ANKH: variants seen among roughly 807,000 people sequenced by gnomAD.
The protein encoded by ANKH is mineralization regulator ANKH.
In ANKH, 15 loss-of-function variants were observed where a neutral mutation model predicts 49.0. The ratio of observed to expected loss-of-function variants is 0.31; its 90% CI spans 0.20 to 0.47. ANKH has a LOEUF of 0.47. Ranked by LOEUF, ANKH falls within the 20% of genes least tolerant of loss-of-function variation. The probability of loss-of-function intolerance (pLI) is 1.00; values close to 1 mark genes in which losing one functional copy is unlikely to be tolerated. For missense variants in ANKH, 429 were observed against 652.0 expected (o/e 0.66, Z 3.72); for synonymous variants, 273 against 260.0 (o/e 1.05, Z -0.48).
chr5:14,791,179 T>A (rs1363050275), intron 1 of ANKH, among the ~76,000 whole-genome samples: 1 of 152,104 alleles, frequency 6.6e-6, no homozygotes, highest in Non-Finnish European at 1.5e-5. Flanking sequence ...GATATCTGAG[T>A]TTCCCCCTAC....
chr5:14,796,267 A>C (rs761854544), intron 1 of ANKH, among the ~76,000 whole-genome samples: 1 of 151,982 alleles, frequency 6.6e-6, no homozygotes, highest in Non-Finnish European at 1.5e-5. Context: ...AGGTCACCCA[A>C]AATGGAGATG....
intron 3 of ANKH, among the ~76,000 whole-genome samples, chr5:14,756,554 A>G (rs921783528): frequency 1.3e-5 from 2 of 152,204 alleles, no homozygotes; most frequent in African/African-American, 4.8e-5. Flanking sequence ...CTTACCTTCA[A>G]GGTTGATTTG....
At chr5:14,811,055 AGT>A (rs1740868279) in intron 1 of ANKH, among the ~76,000 whole-genome samples, 1 of 152,172 alleles carries the variant, frequency 6.6e-6, no homozygotes, top group African/African-American at 2.4e-5. Flanking sequence ...TGGTCCTGCA[AGT>A]GCAGATCATG....
intron 1 of ANKH, among the ~76,000 whole-genome samples, chr5:14,815,217 G>C (rs1355396457): frequency 6.6e-6 from 1 of 152,088 alleles, no homozygotes; most frequent in African/African-American, 2.4e-5. Context: ...AGAACCTCTG[G>C]GCTGATGTCT....
intron 1 of ANKH, among the ~76,000 whole-genome samples, chr5:14,843,349 C>G (rs1191128043): frequency 6.6e-6 from 1 of 151,604 alleles, no homozygotes; most frequent in Non-Finnish European, 1.5e-5. Flanking sequence ...CTAATTTTTG[C>G]ATTTTTAGTA....
intron 8 of ANKH, among the ~76,000 whole-genome samples, chr5:14,738,053 C>T (rs1203514303): frequency 6.6e-6 from 1 of 152,196 alleles, no homozygotes; most frequent in Non-Finnish European, 1.5e-5. Flanking sequence ...GCCCCTCTTC[C>T]ACACTGGGCA....
At chr5:14,718,825 C>A (rs1399871564) in intron 8 of ANKH, among the ~76,000 whole-genome samples, 1 of 79,254 alleles carries the variant, frequency 1.3e-5, no homozygotes, top group East Asian at 3.5e-4. Flanking sequence ...ATCCTCCCAA[C>A]ACCACCCCCC....
At position 14,709,916 on chromosome 5, in the gene ANKH, A is replaced by G. The variant is rs1356978744; in HGVS notation, c.*1281T>C. 1 of 152,508 alleles carries G rather than the reference A, an allele frequency of 6.6e-6. No individual in the cohort carries two copies. The highest frequency in any genetic ancestry group is 2.1e-4 in the South Asian group (1 of 4,828). 9.4% of individuals were successfully genotyped at this position (152,508 alleles called of 1,614,324 possible). A position where few individuals can be genotyped will look rare whatever the true frequency, so the allele number is the denominator to read the frequency against. ...TACAGCATATATTTATATCTTTAAA[A>G]TATTTTTTTTTTTAGGTTCTTTCAG... is the stretch of plus-strand genomic sequence containing the variant. On this transcript the variant is annotated 3_prime_UTR_variant, in exon 12 of 12. Transcript: ENST00000284268.
chr5:14,810,841 G>C (rs549295421), intron 1 of ANKH, among the ~76,000 whole-genome samples: 1 of 152,206 alleles, frequency 6.6e-6, no homozygotes, highest in South Asian at 2.1e-4. Flanking sequence ...CAAACCTTAC[G>C]AATCATTGTC....
At chr5:14,785,494 C>T (rs542906433) in intron 1 of ANKH, among the ~76,000 whole-genome samples, 1 of 152,280 alleles carries the variant, frequency 6.6e-6, no homozygotes, top group Admixed American at 6.5e-5. Context: ...CTTCCTGAGG[C>T]CTCTGCAGAA....
chr5:14,766,228 CA>C (rs34879940), intron 2 of ANKH, among the ~76,000 whole-genome samples: 8 of 147,766 alleles, frequency 5.4e-5, no homozygotes, highest in East Asian at 4.0e-4. Context: ...CCTATCTCTA[CA>C]AAAAAAAAAT....
chr5:14,836,550 C>A (rs1741659724), intron 1 of ANKH, among the ~76,000 whole-genome samples: 2 of 152,278 alleles, frequency 1.3e-5, no homozygotes, highest in East Asian at 3.9e-4. Context: ...ACCTAGGAAT[C>A]CAACTTACAA....
chr5:14,771,944 A>ACC lies in ANKH; in HGVS notation c.97-2754_97-2753insGG, dbSNP rs869297307. Among the ~76,000 whole-genome samples the ACC allele has an allele frequency of 4.9e-3, 705 of 143,798 alleles. 11 individuals are homozygous for ACC. The highest frequency in any genetic ancestry group is 0.017 in the African/African-American group (662 of 39,824). 94.3% of individuals were successfully genotyped at this position (143,798 alleles called of 152,430 possible). ...AAGAAAAAAAAAAAAAAAAAAAAAA[A>ACC]AAACCAAAACAAAACAAAACAAAAA... On this transcript the variant is annotated intron_variant, in intron 1 of 11. Transcript: ENST00000284268.
At chr5:14,836,221 C>T (rs1431107393) in intron 1 of ANKH, among the ~76,000 whole-genome samples, 1 of 152,068 alleles carries the variant, frequency 6.6e-6, no homozygotes, top group African/African-American at 2.4e-5. Flanking sequence ...ACAGGGATGC[C>T]CTCTCTCACC....
In ANKH at chr5:14,812,809, C is replaced by T. The variant is rs148992975; in HGVS notation, c.97-43618G>A. ...TAATTTTTTTCTTTAACACAGGAAA[C>T]GATCGAAAGACAATCTTTGTACTCA... On this transcript the variant is annotated intron_variant, in intron 1 of 11. Transcript: ENST00000284268. 4.0e-3 allele frequency among the ~76,000 whole-genome samples: 607 copies of T among 152,212 alleles called. 1 individual carries two copies. The highest frequency in any genetic ancestry group is 0.01 in the Middle Eastern group (3 of 294).
chr5:14,774,359 T>C lies in ANKH; in HGVS notation c.97-5168A>G, dbSNP rs531347567. ...TGGATTAAAACTAATTGTCTCCAAC[T>C]AGTGCATTACTTCAAAATCACTTAT... On this transcript the variant is annotated intron_variant, in intron 1 of 11. Coordinates refer to ENST00000284268, the MANE Select transcript of ANKH (RefSeq NM_054027.6). 3.3e-5 allele frequency among the ~76,000 whole-genome samples: 5 copies of C among 152,334 alleles called. No individual in the cohort carries two copies. In the East Asian group the frequency reaches 9.6e-4, roughly 29 times the overall value.
chr5:14,849,026 C>T lies in ANKH; in HGVS notation c.96+22326G>A, dbSNP rs138951081. ...CGGGTGTGAGCTGAGTTACAAGCCC[C>T]GTGTTTAAAGGTGGGTGTGGTCACC... is the stretch of plus-strand genomic sequence containing the variant. On this transcript the variant is annotated intron_variant, in intron 1 of 11. Transcript: ENST00000284268. 5.2e-3 allele frequency among the ~76,000 whole-genome samples: 797 copies of T among 152,288 alleles called. 8 individuals are homozygous for T. Among genetic ancestry groups the T allele is most frequent in the Non-Finnish European group, 6.7e-3 (456 of 68,026 alleles).
chr5:14,766,449 T>A (rs1005641526), intron 2 of ANKH, among the ~76,000 whole-genome samples: 5 of 152,132 alleles, frequency 3.3e-5, no homozygotes, highest in African/African-American at 9.7e-5. Context: ...ATGCAATTCA[T>A]CCTTCAGAGA....
intron 1 of ANKH, among the ~76,000 whole-genome samples, chr5:14,810,160 C>CCTT (rs1740834858): frequency 6.9e-6 from 1 of 144,450 alleles, no homozygotes; most frequent in African/African-American, 2.6e-5. Flanking sequence ...AAACGATTGA[C>CCTT]TTTTTTTTTT....
Sources: allele counts gnomAD v4.1 joint callset (sites outside exome capture counted in the v4.1 genomes callset), GRCh38; gene constraint gnomAD v4.1.1; transcripts MANE v1.5; gene names NCBI Gene and HGNC (gene_info 2026-07-23, HGNC 2026-07-21).